EVPL: variants seen among roughly 807,000 people sequenced by gnomAD.
EVPL encodes the protein envoplakin, also known as 210 kDa cornified envelope precursor protein.
EVPL carries 94 observed loss-of-function variants against 129.7 expected under a neutral mutation model. The observed-to-expected ratio is 0.72, with a 90% CI of 0.61 to 0.86. EVPL has a LOEUF of 0.86. Ranked by LOEUF, EVPL falls within the 40% of genes least tolerant of loss-of-function variation. The pLI is 0.00. For missense variants in EVPL, 2,625 were observed against 2,721.1 expected, an observed-to-expected ratio of 0.96 and a Z score of 0.79; for synonymous variants, 1,172 against 1,191.1, an observed-to-expected ratio of 0.98 and a Z score of 0.33.
In EVPL at chr17:76,011,666, C is replaced by T. The variant is rs750455089; in HGVS notation, c.2571G>A (p.Glu857=). ...CAGTATAGGCCTTTGCAAGGTTCTT[C>T]TCCTGGAGAAGGCAGAGGGAGAGGG... ...APLQESIQAQ[E]KNLAKAYTEV... Residue 857 remains glutamate, a splice_region_variant and synonymous_variant, in exon 21 of 22, where the codon GAG becomes GAA. Transcript: ENST00000301607. 5.0e-6 allele frequency: 8 copies of T among 1,614,012 alleles called. No homozygotes were observed. In the African/African-American group the frequency reaches 1.1e-4, roughly 22 times the overall value.
rs750851108 is a variant in EVPL, at chr17:76,010,285, T to C, written c.2920A>G (p.Arg974Gly). The C allele has an allele frequency of 6.2e-7, 1 of 1,613,944 alleles. No homozygotes were observed. Among genetic ancestry groups the C allele is most frequent in the East Asian group, 2.2e-5 (1 of 44,876 alleles). Residue 974 changes from arginine (R) to glycine (G), a missense_variant, in exon 22 of 22, where the codon AGG becomes GGG. Physicochemically the swap from Arg to Gly is moderately radical, Grantham distance 125. Around this residue, in one of 4 missense-constraint regions of EVPL, gnomAD observed 1,453 missense variants for 1,511.8 expected, o/e 0.96. Coordinates refer to ENST00000301607, the MANE Select transcript of EVPL (RefSeq NM_001988.4). The part of the protein sequence containing the change: ...RDPQLEGSLS[R>G]VKAQVEEEGK... The stretch of plus-strand genomic sequence containing the variant: ...TCCTCCTCCACCTGGGCCTTCACCC[T>C]GGACAGGCTGCCCTCCAGCTGGGGG...
chr17:76,023,141 C>G, intron 4 of EVPL, 151 bp downstream of exon 4: 1 of 1,369,086 alleles, frequency 7.3e-7, no homozygotes, highest in Non-Finnish European at 9.9e-7. Flanking sequence ...GGAAGTCTTC[C>G]CTGACTGCAC....
chr17:76,026,770 C>A (rs1407157935), intron 1 of EVPL, among the ~76,000 whole-genome samples: 3 of 152,156 alleles, frequency 2.0e-5, no homozygotes, highest in Non-Finnish European at 4.4e-5. Flanking sequence ...TGTCTCCCAG[C>A]CTCTGGCAGA....
rs777861277 is a variant in EVPL, at chr17:76,023,696, C to T, written c.199-42G>A. On this transcript the variant is annotated intron_variant, in intron 2 of 21. Coordinates refer to ENST00000301607, the MANE Select transcript of EVPL (RefSeq NM_001988.4). ...GGCAGACTGGCCAGGGCCCAGAGCC[C>T]CCACACCCCTGCTGCCCATCACTGT... The T allele has an allele frequency of 6.0e-6, 9 of 1,496,838 alleles. No homozygotes were observed. In the South Asian group the frequency reaches 1.0e-4, roughly 17 times the overall value. 92.7% of individuals were successfully genotyped at this position (1,496,838 alleles called of 1,614,324 possible). A position where few individuals can be genotyped will look rare whatever the true frequency, so the allele number is the denominator to read the frequency against.
Position 76,015,597 on chromosome 17 carries a change from G to C in EVPL, c.1742C>G (p.Thr581Arg), listed in dbSNP as rs768836061. 1.9e-6 allele frequency: 3 copies of C among 1,613,366 alleles called. No individual in the cohort carries two copies. Among genetic ancestry groups the C allele is most frequent in the Non-Finnish European group, 2.5e-6 (3 of 1,179,962 alleles). Residue 581 changes from threonine (T) to arginine (R), a missense_variant, in exon 15 of 22, where the codon ACG (threonine) becomes AGG (arginine). By Grantham distance (71) the Thr-to-Arg change is moderately conservative. Around this residue, in one of 4 missense-constraint regions of EVPL, gnomAD observed 1,024 missense variants for 997.5 expected, o/e 1.03. Transcript: ENST00000301607. ...CTCCTTCTGGGCTGTCTCCTTCTCC[G>C]TTCCCAGGCTCTGCAGGCGCTGGGC... ...GTAQRLQSLG[T>R]EKETAQKECE...
At position 76,010,474 on chromosome 17, in the gene EVPL, C is replaced by G; in HGVS notation, c.2731G>C (p.Gly911Arg). The G allele has an allele frequency of 1.9e-6, 3 of 1,613,946 alleles. No individual in the cohort carries two copies. The highest frequency in any genetic ancestry group is 2.5e-6 in the Non-Finnish European group (3 of 1,179,926). The change falls in exon 22 of 22, where the codon GGG (glycine) becomes CGG (arginine). Residue 911 changes from glycine (G) to arginine (R), a missense_variant. Gly to Arg is a moderately radical substitution (Grantham distance 125). Around this residue, in one of 4 missense-constraint regions of EVPL, gnomAD observed 9 missense variants for 25.0 expected, o/e 0.36. Transcript: ENST00000301607. ...KQGSESPAQA[G>R]RESEALKAQL... Reference sequence around the variant, plus strand: ...GCCTTCAGGGCCTCTGACTCTCTCCCTGCTTGGGCAGGGCTCTCGGAGCCC... The same window carrying G: ...GCCTTCAGGGCCTCTGACTCTCTCCGTGCTTGGGCAGGGCTCTCGGAGCCC...
intron 21 of EVPL, among the ~76,000 whole-genome samples, chr17:76,011,077 C>CA (rs200556064): frequency 4.2e-4 from 63 of 151,238 alleles, no homozygotes; most frequent in Middle Eastern, 3.4e-3. Flanking sequence ...AAACAAAAAA[C>CA]AAAAAAAAAG....
rs749240947 is a variant in EVPL at position 76,015,095 on chromosome 17, C to T, written c.2043G>A (p.Glu681=). 30 of 1,574,164 alleles carry T rather than the reference C, an allele frequency of 1.9e-5. No homozygotes were observed. The South Asian group carries it at 3.1e-4, about 16-fold the overall frequency. ...RVSELQRQRR[E]LLEQQTCVLR... is the part of the protein sequence containing the mutation. ...GCACGCAGGTCTGCTGTTCCAGCAG[C>T]TCCCTCCGCTGGCGCTGCAGGAGGA... The change falls in exon 17 of 22, where the codon GAG becomes GAA. Residue 681 remains glutamate, a synonymous_variant. Transcript: ENST00000301607.
intron 4 of EVPL, among the ~76,000 whole-genome samples, chr17:76,023,037 C>T (rs1360968182): frequency 6.6e-6 from 1 of 152,148 alleles, no homozygotes; most frequent in African/African-American, 2.4e-5. Flanking sequence ...ACCTTTGCTC[C>T]TTCTTTCTGG....
At position 76,022,418 on chromosome 17, in the gene EVPL, C is replaced by G; in HGVS notation, c.601G>C (p.Gly201Arg). The G allele has an allele frequency of 6.2e-7, 1 of 1,613,714 alleles. No homozygotes were observed. Among genetic ancestry groups the G allele is most frequent in the Non-Finnish European group, 8.5e-7 (1 of 1,179,946 alleles). ...CATCCTCCAGGCTCACCTACCGGCC[C>G]CACGAGGCTCCGCAGCTGCTGCCCA... ...AYGQQLRSLV[G>R]PDAATIRSQY... Residue 201 changes from glycine to arginine, a missense_variant, in exon 5 of 22, where the codon GGG (glycine) becomes CGG (arginine). By Grantham distance (125) the Gly-to-Arg change is moderately radical. This residue lies in a region of EVPL where 1,024 missense variants were observed against 997.5 expected (regional missense o/e 1.03). Coordinates refer to ENST00000301607, the MANE Select transcript of EVPL (RefSeq NM_001988.4). This position sits in a 1 kb window ranked among gnomAD's most constrained non-coding sequence, Gnocchi z 5.6.
rs139450563 is a variant in EVPL at position 76,010,109 on chromosome 17, C to A, written c.3096G>T (p.Ala1032=). The change falls in exon 22 of 22, where the codon GCG becomes GCT. Residue 1032 remains alanine, a synonymous_variant. Transcript: ENST00000301607. ...GCTGGATCTGGATCCTGAGCTGGGC[C>A]GCCTGGCTGTCCAGGCCGGGGTCCC... The part of the protein sequence containing the change: ...VERDPGLDSQ[A]AQLRIQIQQL... 3 of 1,614,052 alleles carry A rather than the reference C, an allele frequency of 1.9e-6. No individual in the cohort carries two copies. The highest frequency in any genetic ancestry group is 2.5e-6 in the Non-Finnish European group (3 of 1,180,038).
chr17:76,008,406 C>A lies in EVPL; in HGVS notation c.4799G>T (p.Arg1600Leu). The A allele has an allele frequency of 6.3e-7, 1 of 1,593,486 alleles. No individual in the cohort carries two copies. ...QECGRLQQEL[R>L]ALERQKQQQT... ...CTGCTGCTTCTGCCTCTCCAGAGCC[C>A]GCAGCTCCTGCTGCAGCCGCCCACA... The change falls in exon 22 of 22, where the codon CGG becomes CTG. Residue 1600 changes from arginine to leucine, a missense_variant. Around this residue, in one of 4 missense-constraint regions of EVPL, gnomAD observed 1,453 missense variants for 1,511.8 expected, o/e 0.96. Transcript: ENST00000301607. The surrounding 1 kb of genome is among the most constrained non-coding windows in gnomAD (Gnocchi z 7.4).
intron 14 of EVPL, among the ~76,000 whole-genome samples, chr17:76,016,969 C>A (rs2066422710): frequency 6.6e-6 from 1 of 151,270 alleles, no homozygotes; most frequent in Non-Finnish European, 1.5e-5. Flanking sequence ...TCCCAGCACT[C>A]TGGGAGGCCG....
chr17:76,012,980 G>A (rs1165055379), intron 18 of EVPL, among the ~76,000 whole-genome samples: 2 of 152,058 alleles, frequency 1.3e-5, no homozygotes, highest in Non-Finnish European at 2.9e-5. Flanking sequence ...TCCTGACCTT[G>A]TGATCCGCCC....
Position 76,019,557 on chromosome 17 carries a change from C to A in EVPL, c.1108G>T (p.Ala370Ser), listed in dbSNP as rs536452403. The A allele has an allele frequency of 6.4e-7, 1 of 1,572,680 alleles. No homozygotes were observed. ...YSPAPGGPPGAPTELLQQLEA... is the reference protein window; with the variant it reads ...YSPAPGGPPGSPTELLQQLEA... ...AGCTGTTGCAGCAGCTCTGTGGGGG[C>A]GCCAGGGGGGCCCCCAGGTGCAGGG... The change falls in exon 10 of 22, where the codon GCC becomes TCC. Residue 370 changes from alanine to serine, a missense_variant. This residue lies in a region of EVPL where 1,024 missense variants were observed against 997.5 expected (regional missense o/e 1.03). Coordinates refer to ENST00000301607, the MANE Select transcript of EVPL (RefSeq NM_001988.4).
chr17:76,012,098 G>A lies in EVPL; in HGVS notation c.2374-9C>T. The A allele has an allele frequency of 6.2e-7, 1 of 1,606,058 alleles. No homozygotes were observed. The highest frequency in any genetic ancestry group is 8.5e-7 in the Non-Finnish European group (1 of 1,177,578). On this transcript the variant is annotated splice_polypyrimidine_tract_variant and intron_variant, in intron 18 of 21. Transcript: ENST00000301607. The stretch of plus-strand genomic sequence containing the variant: ...ATCTCCTGCGTCAGCCTCTGCCAGG[G>A]AAGAACCCAGAGTCAGGAGGCCAGG...
chr17:76,012,136 C>A (rs370332591), intron 18 of EVPL, 47 bp from the exon 19 acceptor site: 1 of 1,443,966 alleles, frequency 6.9e-7, no homozygotes, highest in Non-Finnish European at 9.5e-7. Context: ...ATGCCAATCA[C>A]CCTGACTCTC....
chr17:76,008,809 C>G lies in EVPL; in HGVS notation c.4396G>C (p.Val1466Leu). The change falls in exon 22 of 22, where the codon GTC becomes CTC. Residue 1466 changes from valine (V) to leucine (L), a missense_variant. Val to Leu is a conservative substitution (Grantham distance 32). Coordinates refer to ENST00000301607, the MANE Select transcript of EVPL (RefSeq NM_001988.4). The surrounding 1 kb of genome is among the most constrained non-coding windows in gnomAD (Gnocchi z 7.4). The part of the protein sequence containing the change: ...VQEKIIMEEV[V>L]KLEKDPDLEK... ...AGGTCCGGGTCCTTCTCCAGCTTGA[C>G]CACTTCCTCCATGATGATCTTCTCC... 1 of 1,614,104 alleles carries G rather than the reference C, an allele frequency of 6.2e-7. No homozygotes were observed. The highest frequency in any genetic ancestry group is 8.5e-7 in the Non-Finnish European group (1 of 1,180,018).
Position 76,015,521 on chromosome 17 carries a change from C to T in EVPL, c.1818G>A (p.Leu606=), listed in dbSNP as rs2066413235. Reference sequence around the variant, plus strand: ...TCTTCACGCTGTTGAGGGCTACGGGCAGCTGCAGGGCAGCGGGGCCCACGG... The same window carrying T: ...TCTTCACGCTGTTGAGGGCTACGGGTAGCTGCAGGGCAGCGGGGCCCACGG... ...TRPVGPAALQ[L]PVALNSVKNK... The change falls in exon 15 of 22, where the codon CTG becomes CTA. Residue 606 remains leucine (L), a synonymous_variant. Transcript: ENST00000301607. 6.2e-7 allele frequency: 1 copy of T among 1,612,764 alleles called. No individual in the cohort carries two copies. Among genetic ancestry groups the T allele is most frequent in the African/African-American group, 1.3e-5 (1 of 74,916 alleles).
Sources: gnomAD v4.1 joint callset for allele counts (sites outside exome capture counted in the v4.1 genomes callset) on GRCh38, gnomAD v4.1.1 for gene constraint, gnomAD v4.1.1 regional missense constraint, Gnocchi (gnomAD v3.1) non-coding constraint, MANE v1.5 for transcripts, NCBI Gene and HGNC (gene_info 2026-07-23, HGNC 2026-07-21) for gene names.